The following KALRN variants were observed in gnomAD, a reference collection of about 807,000 sequenced individuals.
KALRN encodes kalirin.
A neutral mutation model predicts 353.7 loss-of-function variants in KALRN; 70 were observed. The observed-to-expected ratio is 0.20, with a 90% CI of 0.16 to 0.24. The LOEUF is 0.24. KALRN is among the 10% of genes least tolerant of loss of function. The pLI is 1.00. For missense variants in KALRN, 2,791 were observed against 3,756.7 expected, an observed-to-expected ratio of 0.74 and a Z score of 6.72; for synonymous variants, 1,391 against 1,434.8, an observed-to-expected ratio of 0.97 and a Z score of 0.69.
chr3:124,446,300 C>G, intron 20 of KALRN, 24 bp downstream of exon 20: 1 of 1,551,124 alleles, frequency 6.4e-7, no homozygotes, highest in Non-Finnish European at 8.9e-7. Context: ...TTCCCTGGCA[C>G]TATCTCAGTT....
At chr3:124,546,359 G>A (rs567597570) in intron 33 of KALRN, among the ~76,000 whole-genome samples, 2 of 152,124 alleles carry the variant, frequency 1.3e-5, no homozygotes, top group Admixed American at 6.5e-5. Context: ...AGCTACTTGG[G>A]AGGCTGAGCT....
At chr3:124,572,104 C>T (rs1245356094) in intron 34 of KALRN, among the ~76,000 whole-genome samples, 6 of 151,672 alleles carry the variant, frequency 4.0e-5, no homozygotes, top group African/African-American at 1.2e-4. Flanking sequence ...AGATGGATCA[C>T]TTGAGCTCAG....
intron 57 of KALRN, among the ~76,000 whole-genome samples, chr3:124,706,806 G>A (rs1462884775): frequency 6.6e-6 from 1 of 151,678 alleles, no homozygotes; most frequent in African/African-American, 2.4e-5. Flanking sequence ...TTGACCTCAG[G>A]TGATCCGCCT....
At chr3:124,643,851 G>C (rs1220240862) in intron 37 of KALRN, among the ~76,000 whole-genome samples, 1 of 152,120 alleles carries the variant, frequency 6.6e-6, no homozygotes, top group South Asian at 2.1e-4. Flanking sequence ...TAGTAGAATG[G>C]TTACTGTAGT....
chr3:124,377,009 A>G (rs1429789304), intron 10 of KALRN, among the ~76,000 whole-genome samples: 1 of 152,222 alleles, frequency 6.6e-6, no homozygotes, highest in East Asian at 1.9e-4. Context: ...ATTCAAAGTA[A>G]TAAAGAAGCA....
intron 1 of KALRN, among the ~76,000 whole-genome samples, chr3:124,221,136 T>C (rs2077861380): frequency 6.6e-6 from 1 of 152,202 alleles, no homozygotes; most frequent in Non-Finnish European, 1.5e-5. Flanking sequence ...CTCCTTTTCA[T>C]CACCCCCTAA....
intron 8 of KALRN, among the ~76,000 whole-genome samples, chr3:124,332,795 G>C (rs1209488134): frequency 6.6e-6 from 1 of 152,112 alleles, no homozygotes; most frequent in Non-Finnish European, 1.5e-5. Flanking sequence ...TGCTTTTCAG[G>C]AGAAAGAAAG....
intron 37 of KALRN, among the ~76,000 whole-genome samples, chr3:124,646,390 A>ATTTTTTTTTTTTTTTTTTTT: frequency 1.1e-5 from 1 of 94,628 alleles, no homozygotes; most frequent in East Asian, 5.3e-4. Context: ...TCTTTTGTTT[A>ATTTTTTTTTTTTTTTTTTTT]CTTTTTTTTT....
intron 58 of KALRN, among the ~76,000 whole-genome samples, chr3:124,714,565 T>TAGATGGGATTA (rs1422324037): frequency 1.3e-5 from 2 of 152,218 alleles, no homozygotes; most frequent in African/African-American, 2.4e-5. Context: ...CCAGAGATGT[T>TAGATGGGATTA]GCAGGGATTA....
chr3:124,063,691 C>T (rs181124413), intron 1 of KALRN, among the ~76,000 whole-genome samples: 1 of 152,340 alleles, frequency 6.6e-6, no homozygotes, highest in East Asian at 1.9e-4. Flanking sequence ...CTCACTTGAA[C>T]TTTGTCAGCT....
At chr3:124,308,165 A>G (rs1434991151) in intron 6 of KALRN, among the ~76,000 whole-genome samples, 6 of 152,060 alleles carry the variant, frequency 3.9e-5, no homozygotes, top group Admixed American at 3.9e-4. Flanking sequence ...GTACCAAAAT[A>G]CACAAAGCAA....
intron 36 of KALRN, among the ~76,000 whole-genome samples, chr3:124,634,818 C>CAGTGGTGGT (rs1411684021): frequency 2.0e-5 from 3 of 152,180 alleles, no homozygotes; most frequent in Non-Finnish European, 2.9e-5. Context: ...TGTTTTGTTG[C>CAGTGGTGGT]AGTGGTGGTA....
intron 1 of KALRN, among the ~76,000 whole-genome samples, chr3:124,116,608 G>A (rs977573585): frequency 6.6e-6 from 1 of 152,078 alleles, no homozygotes; most frequent in African/African-American, 2.4e-5. Context: ...TTATCTGAGG[G>A]GGATACGTTC....
intron 25 of KALRN, 40 bp downstream of exon 25, chr3:124,462,673 G>A (rs188800423): frequency 2.2e-5 from 25 of 1,161,088 alleles, no homozygotes; most frequent in East Asian, 9.5e-5. Context: ...CACTTAGGCC[G>A]TAAAAACCAG....
At chr3:124,666,943 A>G (rs914135112) in intron 46 of KALRN, 69 bp from the exon 47 acceptor site, 3 of 1,461,732 alleles carry the variant, frequency 2.1e-6, no homozygotes, top group Non-Finnish European at 2.8e-6. Context: ...AACTTTGAGG[A>G]AGAGTAATAT....
At chr3:124,518,316 T>A in intron 33 of KALRN, 1 of 1,182,888 alleles carries the variant, frequency 8.5e-7, no homozygotes. Flanking sequence ...GATTTAACTC[T>A]GTTTTCTATA....
intron 33 of KALRN, chr3:124,562,551 GC>G: frequency 3.4e-6 from 1 of 296,164 alleles, no homozygotes; most frequent in Non-Finnish European, 6.6e-6. Flanking sequence ...TAGAATCAAA[GC>G]CCTGGTTCTG....
rs2063347783 is a variant in KALRN, at chr3:124,721,127, A to T, written c.*1657A>T. 1 of 152,240 alleles carries T rather than the reference A, an allele frequency of 6.6e-6. No homozygotes were observed. The highest frequency in any genetic ancestry group is 6.5e-5 in the Admixed American group (1 of 15,284). The allele number at this position is 152,240 out of a possible 1,614,324, so 9.4% of individuals were successfully genotyped here. A position where few individuals can be genotyped will look rare whatever the true frequency, so the allele number is the denominator to read the frequency against. On this transcript the variant is annotated 3_prime_UTR_variant, in exon 60 of 60. Coordinates refer to ENST00000682506, the MANE Select transcript of KALRN (RefSeq NM_001388419.1). The stretch of plus-strand genomic sequence containing the variant: ...GGAAACTAAGCCTGAACTTTAACAT[A>T]TAAAAAACACTTATTCCCACAGAGA...
intron 14 of KALRN, among the ~76,000 whole-genome samples, chr3:124,421,887 A>T (rs2092798456): frequency 6.6e-6 from 1 of 152,196 alleles, no homozygotes; most frequent in African/African-American, 2.4e-5. Context: ...GAAAAGTAAG[A>T]CAAGGAGGTA....
Sources: gnomAD v4.1 joint callset for allele counts (sites outside exome capture counted in the v4.1 genomes callset) on GRCh38, gnomAD v4.1.1 for gene constraint, MANE v1.5 for transcripts, NCBI Gene and HGNC (gene_info 2026-07-23, HGNC 2026-07-21) for gene names.